Variants in GALNT13 observed in about 807,000 individuals in gnomAD.
The protein encoded by GALNT13 is polypeptide N-acetylgalactosaminyltransferase 13.
Under a neutral mutation model 64.2 loss-of-function variants are expected in GALNT13, and 28 were observed. The ratio of observed to expected loss-of-function variants is 0.44; its 90% confidence interval spans 0.32 to 0.60. GALNT13 has a LOEUF of 0.60. Among genes scored for constraint, GALNT13 ranks in the 20% least tolerant of loss-of-function variants. The pLI, the probability that GALNT13 is intolerant of heterozygous loss-of-function variation, is 0.05. For missense variants in GALNT13, 577 were observed against 669.8 expected, an observed-to-expected ratio of 0.86 and a Z score of 1.53; for synonymous variants, 214 against 224.6, an observed-to-expected ratio of 0.95 and a Z score of 0.42.
the GALNT13 span, among the ~76,000 whole-genome samples, chr2:153,548,000 A>G: frequency 6.6e-6 from 1 of 152,178 alleles, no homozygotes; most frequent in Non-Finnish European, 1.5e-5. Context: ...GACATCCAAT[A>G]ATTGCTTTCT....
At chr2:153,170,359 A>G in the GALNT13 span, among the ~76,000 whole-genome samples, 1 of 152,160 alleles carries the variant, frequency 6.6e-6, no homozygotes, top group African/African-American at 2.4e-5. Context: ...TCTTGTTAAG[A>G]TTTAAGCAAT....
intron 3 of GALNT13, among the ~76,000 whole-genome samples, chr2:154,120,083 GT>G (rs140047576): frequency 6.6e-6 from 1 of 151,828 alleles, no homozygotes; most frequent in East Asian, 2.0e-4. Flanking sequence ...TTGTTTGTTT[GT>G]TTTTTTGTCA....
the GALNT13 span, chr2:153,357,284 C>A: frequency 2.0e-5 from 3 of 152,224 alleles, no homozygotes; most frequent in South Asian, 6.2e-4. Flanking sequence ...TGAAAAAAAT[C>A]ATTCAGACTT....
At chr2:153,893,509 A>G (rs1346386365) in intron 1 of GALNT13, among the ~76,000 whole-genome samples, 1 of 152,130 alleles carries the variant, frequency 6.6e-6, no homozygotes, top group African/African-American at 2.4e-5. Flanking sequence ...TAGACGTAAC[A>G]ATGTTAACAT....
At chr2:153,693,647 G>C in the GALNT13 span, among the ~76,000 whole-genome samples, 2 of 151,978 alleles carry the variant, frequency 1.3e-5, no homozygotes, top group Admixed American at 6.6e-5. Flanking sequence ...CAAGCAGGAG[G>C]ATAAGGGGGA....
chr2:154,236,800 C>T (rs16836286), intron 4 of GALNT13, among the ~76,000 whole-genome samples: 6,474 of 151,990 alleles, frequency 0.043, 464 homozygotes, highest in African/African-American at 0.15. Context: ...AGACATGTTG[C>T]TAAAAGGGTT....
chr2:153,108,020 G>A, the GALNT13 span, among the ~76,000 whole-genome samples: 4 of 152,218 alleles, frequency 2.6e-5, no homozygotes, highest in African/African-American at 9.6e-5. Flanking sequence ...TGGGATTACA[G>A]ACATGCATCA....
At chr2:154,030,910 A>G (rs1330068859) in intron 3 of GALNT13, among the ~76,000 whole-genome samples, 3 of 152,090 alleles carry the variant, frequency 2.0e-5, no homozygotes, top group Non-Finnish European at 4.4e-5. Flanking sequence ...TAAATTACCC[A>G]GTCTCAGTTA....
chr2:153,365,409 A>C, the GALNT13 span, among the ~76,000 whole-genome samples: 1 of 152,232 alleles, frequency 6.6e-6, no homozygotes, highest in Non-Finnish European at 1.5e-5. Flanking sequence ...ATCAAACTAA[A>C]GCACTTCTGC....
At chr2:153,774,831 A>T in the GALNT13 span, among the ~76,000 whole-genome samples, 1 of 152,108 alleles carries the variant, frequency 6.6e-6, no homozygotes, top group Non-Finnish European at 1.5e-5. Context: ...GATTGCTTGA[A>T]CCCAGGAGGT....
chr2:154,417,992 A>G (rs1365768057), intron 11 of GALNT13, among the ~76,000 whole-genome samples: 2 of 151,904 alleles, frequency 1.3e-5, no homozygotes, highest in Non-Finnish European at 2.9e-5. Flanking sequence ...TTCTTTAATC[A>G]TTATGTTGTC....
At chr2:153,287,562 C>T in the GALNT13 span, among the ~76,000 whole-genome samples, 15 of 152,208 alleles carry the variant, frequency 9.9e-5, no homozygotes, top group Admixed American at 8.5e-4. Flanking sequence ...GGAAGGTGGC[C>T]TTCCCCGGGG....
At chr2:153,849,791 G>A in the GALNT13 span, among the ~76,000 whole-genome samples, 1 of 152,220 alleles carries the variant, frequency 6.6e-6, no homozygotes, top group African/African-American at 2.4e-5. Flanking sequence ...AATCTGCAAT[G>A]TGTTCCTTTA....
the GALNT13 span, among the ~76,000 whole-genome samples, chr2:153,448,383 A>AT: frequency 1.3e-5 from 2 of 151,860 alleles, no homozygotes; most frequent in Admixed American, 6.6e-5. Context: ...CTAACAGTTT[A>AT]TTTTTTTTCC....
intron 4 of GALNT13, among the ~76,000 whole-genome samples, chr2:154,143,860 CAAAAA>C (rs34582475): frequency 1.7e-5 from 1 of 58,904 alleles, no homozygotes; most frequent in African/African-American, 8.9e-5. Context: ...GACTCTGTCT[CAAAAA>C]AAAAAAAAAA....
intron 7 of GALNT13, among the ~76,000 whole-genome samples, chr2:154,254,810 G>A (rs1220690863): frequency 6.6e-6 from 1 of 152,028 alleles, no homozygotes; most frequent in Non-Finnish European, 1.5e-5. Flanking sequence ...AAACAAGTAT[G>A]GAAACACAGA....
chr2:154,349,759 C>A (rs1696284732), intron 9 of GALNT13, among the ~76,000 whole-genome samples: 2 of 152,168 alleles, frequency 1.3e-5, no homozygotes, highest in South Asian at 2.1e-4. Flanking sequence ...GACTTAATAA[C>A]CTAAATCTCT....
At chr2:153,769,772 T>C in the GALNT13 span, among the ~76,000 whole-genome samples, 1 of 152,224 alleles carries the variant, frequency 6.6e-6, no homozygotes, top group Non-Finnish European at 1.5e-5. Context: ...AAGGATTTGC[T>C]CAGTTTTTAA....
At chr2:154,119,913 T>C (rs1681834276) in intron 3 of GALNT13, among the ~76,000 whole-genome samples, 1 of 152,226 alleles carries the variant, frequency 6.6e-6, no homozygotes, top group African/African-American at 2.4e-5. Flanking sequence ...TCTTTTTCAG[T>C]CATTTCAATG....
Sources: allele counts gnomAD v4.1 joint callset (sites outside exome capture counted in the v4.1 genomes callset), GRCh38; gene constraint gnomAD v4.1.1; transcripts MANE v1.5; gene names NCBI Gene and HGNC (gene_info 2026-07-23, HGNC 2026-07-21).